SEC14L5: variants seen among roughly 807,000 people sequenced by gnomAD.
SEC14L5 encodes the protein SEC14 like lipid binding 5, also known as SEC14-like protein 5.
SEC14L5 carries 96 observed loss-of-function variants against 84.6 expected under a neutral mutation model. The ratio of observed to expected loss-of-function variants is 1.13; its 90% confidence interval spans 0.96 to 1.34. The LOEUF is 1.34. Among genes scored for constraint, SEC14L5 ranks in the 40% most tolerant of loss-of-function variants. The pLI is 0.00. For synonymous variants in SEC14L5, 546 were observed against 383.4 expected (o/e 1.42, Z -4.95); for missense variants, 1,224 against 942.5 (o/e 1.30, Z -3.91).
chr16:4,998,753 A>T lies in SEC14L5; in HGVS notation c.970+1709A>T, dbSNP rs1471625518. Among the ~76,000 whole-genome samples the T allele has an allele frequency of 4.0e-3, 374 of 93,418 alleles. 3 individuals carry two copies. The highest frequency in any genetic ancestry group is 9.4e-3 in the African/African-American group (313 of 33,140). 61.3% of individuals were successfully genotyped at this position (93,418 alleles called of 152,430 possible). On this transcript the variant is annotated intron_variant, in intron 8 of 15. Coordinates refer to ENST00000251170, the MANE Select transcript of SEC14L5 (RefSeq NM_014692.2). ...ACTCCGTCTCAAAAAAAAAAAAAAA[A>T]AAAAAAAAAAAAATAAACGTTCATC...
At chr16:4,992,919 A>T (rs1428194025) in intron 6 of SEC14L5, among the ~76,000 whole-genome samples, 1 of 152,198 alleles carries the variant, frequency 6.6e-6, no homozygotes, top group Non-Finnish European at 1.5e-5. Context: ...TATACATTCC[A>T]TTTGATATTT....
chr16:5,005,714 AT>A (rs1429438345), intron 11 of SEC14L5, among the ~76,000 whole-genome samples, 199 bp from the exon 12 acceptor site: 1 of 151,566 alleles, frequency 6.6e-6, no homozygotes, highest in Non-Finnish European at 1.5e-5. Flanking sequence ...ACAAAAAAAA[AT>A]TAGCCGGGCA....
chr16:5,014,656 A>G (rs1350126422), intron 15 of SEC14L5, among the ~76,000 whole-genome samples: 2 of 152,250 alleles, frequency 1.3e-5, no homozygotes, highest in African/African-American at 2.4e-5. Context: ...GGTCTGTGGC[A>G]GGCTGGGCTC....
intron 2 of SEC14L5, among the ~76,000 whole-genome samples, chr16:4,967,492 G>T (rs1454278243): frequency 6.6e-6 from 1 of 151,124 alleles, no homozygotes; most frequent in African/African-American, 2.4e-5. Context: ...TTGAACTCAG[G>T]GAATCTGACC....
chr16:5,018,118 T>G lies in SEC14L5; in HGVS notation c.*3148T>G, dbSNP rs1186698906. On this transcript the variant is annotated 3_prime_UTR_variant, in exon 16 of 16. Transcript: ENST00000251170. Reference sequence around the variant, plus strand: ...AGTTTCCTCATCTGTAAAGTGAGGATAGCAGTGCCTACCTCAATAGGTTGT... The same window carrying G: ...AGTTTCCTCATCTGTAAAGTGAGGAGAGCAGTGCCTACCTCAATAGGTTGT... 6.6e-6 allele frequency: 1 copy of G among 152,320 alleles called. No homozygotes were observed. The highest frequency in any genetic ancestry group is 1.5e-5 in the Non-Finnish European group (1 of 68,116). The allele number at this position is 152,320 out of a possible 1,614,324, so 9.4% of individuals were successfully genotyped here. A position where few individuals can be genotyped will look rare whatever the true frequency, so the allele number is the denominator to read the frequency against.
chr16:5,017,582 G>A lies in SEC14L5; in HGVS notation c.*2612G>A, dbSNP rs1021116889. 6.6e-6 allele frequency: 1 copy of A among 152,202 alleles called. No individual in the cohort carries two copies. Among genetic ancestry groups the A allele is most frequent in the Non-Finnish European group, 1.5e-5 (1 of 68,054 alleles). 9.4% of individuals were successfully genotyped at this position (152,202 alleles called of 1,614,324 possible). On this transcript the variant is annotated 3_prime_UTR_variant, in exon 16 of 16. Transcript: ENST00000251170. Reference sequence around the variant, plus strand: ...TGGAAGGCTCTGATTGGCCCAGCTCGAGTCACATGCTTATTCCTGTGGGCC... The same window carrying A: ...TGGAAGGCTCTGATTGGCCCAGCTCAAGTCACATGCTTATTCCTGTGGGCC...
At chr16:4,971,091 C>CAAAAAAAA (rs34842525) in intron 2 of SEC14L5, among the ~76,000 whole-genome samples, 1 of 73,932 alleles carries the variant, frequency 1.4e-5, no homozygotes. Context: ...GTGACAGAGC[C>CAAAAAAAA]AAAAAAAAAA....
At chr16:4,965,341 T>C (rs951422298) in intron 2 of SEC14L5, among the ~76,000 whole-genome samples, 2 of 152,154 alleles carry the variant, frequency 1.3e-5, no homozygotes, top group Non-Finnish European at 2.9e-5. Context: ...GCACAAGTTT[T>C]TGTATGAACA....
intron 2 of SEC14L5, among the ~76,000 whole-genome samples, chr16:4,976,081 T>A (rs1225383421): frequency 6.6e-6 from 1 of 152,236 alleles, no homozygotes; most frequent in African/African-American, 2.4e-5. Context: ...CTTTACAGAA[T>A]CTCACTCATT....
chr16:4,975,265 G>T (rs1299884835), intron 2 of SEC14L5, among the ~76,000 whole-genome samples: 1 of 151,776 alleles, frequency 6.6e-6, no homozygotes, highest in Non-Finnish European at 1.5e-5. Context: ...AAGGTCAGGA[G>T]ATCAAGACCA....
At chr16:4,984,284 G>A (rs1955462518) in intron 2 of SEC14L5, among the ~76,000 whole-genome samples, 1 of 152,128 alleles carries the variant, frequency 6.6e-6, no homozygotes, top group African/African-American at 2.4e-5. Flanking sequence ...AAGGATTCAT[G>A]CAATATATGG....
intron 6 of SEC14L5, among the ~76,000 whole-genome samples, chr16:4,993,966 C>T (rs1173835218): frequency 1.0e-4 from 14 of 138,534 alleles, no homozygotes; most frequent in Non-Finnish European, 1.5e-4. Context: ...GACTGTTTTC[C>T]TTTTTTTTTT....
intron 6 of SEC14L5, among the ~76,000 whole-genome samples, chr16:4,994,465 T>C (rs765948952): frequency 6.6e-6 from 1 of 152,126 alleles, no homozygotes; most frequent in Non-Finnish European, 1.5e-5. Context: ...TGCCTCAGCC[T>C]CCCAAGGAGC....
intron 4 of SEC14L5, among the ~76,000 whole-genome samples, chr16:4,988,546 C>T (rs1955520420): frequency 6.6e-6 from 1 of 152,188 alleles, no homozygotes; most frequent in African/African-American, 2.4e-5. Flanking sequence ...CGTGACTGGA[C>T]ATCCTGTGTT....
chr16:4,959,362 G>A lies in SEC14L5; in HGVS notation c.39G>A (p.Lys13=). 1 of 1,613,922 alleles carries A rather than the reference G, an allele frequency of 6.2e-7. No individual in the cohort carries two copies. The highest frequency in any genetic ancestry group is 8.5e-7 in the Non-Finnish European group (1 of 1,179,824). The stretch of plus-strand genomic sequence containing the variant: ...ACCAGTCTCCTGTCCGAGTCTACAA[G>A]TACCCGTTTGAGCTGGTCATGGCGG... ...QRYQSPVRVY[K]YPFELVMAAY... is the part of the protein sequence containing the mutation. The change falls in exon 2 of 16, where the codon AAG becomes AAA. Residue 13 remains lysine (K), a synonymous_variant. Transcript: ENST00000251170.
At chr16:5,002,832 G>C (rs573075182) in intron 10 of SEC14L5, among the ~76,000 whole-genome samples, 1 of 152,328 alleles carries the variant, frequency 6.6e-6, no homozygotes, top group South Asian at 2.1e-4. Flanking sequence ...TCTGACTGTG[G>C]AGTGCATGCT....
intron 2 of SEC14L5, among the ~76,000 whole-genome samples, chr16:4,969,880 C>T (rs995152901): frequency 2.0e-5 from 3 of 150,686 alleles, no homozygotes; most frequent in Non-Finnish European, 2.9e-5. Flanking sequence ...TGCAGCGGCA[C>T]GATCACAGCT....
intron 4 of SEC14L5, among the ~76,000 whole-genome samples, chr16:4,989,220 G>A (rs759672331): frequency 6.6e-6 from 1 of 152,130 alleles, no homozygotes; most frequent in Non-Finnish European, 1.5e-5. Context: ...TGTAAAATCG[G>A]GACATTGGCA....
chr16:5,015,367 G>A lies in SEC14L5; in HGVS notation c.*397G>A, dbSNP rs1955863924. 2 of 180,304 alleles carry A rather than the reference G, an allele frequency of 1.1e-5. No individual in the cohort carries two copies. The highest frequency in any genetic ancestry group is 5.6e-5 in the Admixed American group (1 of 17,998). 11.2% of individuals were successfully genotyped at this position (180,304 alleles called of 1,614,324 possible). ...CCCTTCTCCTCCCTGCAGCTTGCCT[G>A]CATAAGAGAGCCTCTTCCTCCCAAA... is the stretch of plus-strand genomic sequence containing the variant. On this transcript the variant is annotated 3_prime_UTR_variant, in exon 16 of 16. Transcript: ENST00000251170.
Sources: allele counts gnomAD v4.1 joint callset (sites outside exome capture counted in the v4.1 genomes callset), GRCh38; gene constraint gnomAD v4.1.1; transcripts MANE v1.5; gene names NCBI Gene and HGNC (gene_info 2026-07-23, HGNC 2026-07-21).